Variants in FTCDNL1 observed in about 807,000 individuals in gnomAD.
FTCDNL1 encodes the protein formiminotransferase cyclodeaminase N-terminal like.
In FTCDNL1, 11 loss-of-function variants were observed where a neutral mutation model predicts 5.9. The ratio of observed to expected loss-of-function variants is 1.87; its 90% CI spans 1.18 to 3.10. The LOEUF is 3.10. Among genes scored for constraint, FTCDNL1 ranks in the 30% most tolerant of loss-of-function variants. The probability of loss-of-function intolerance (pLI) is 0.00; values close to 1 mark genes in which losing one functional copy is unlikely to be tolerated. For synonymous variants in FTCDNL1, 58 were observed against 24.8 expected (o/e 2.34, Z -3.99); for missense variants, 115 against 65.5 (o/e 1.76, Z -2.61).
chr2:199,822,604 C>T (rs574389154), intron 3 of FTCDNL1, among the ~76,000 whole-genome samples: 43 of 152,086 alleles, frequency 2.8e-4, no homozygotes, highest in Admixed American at 2.4e-3. Context: ...TTTCCTTTCA[C>T]GAAAATTTCT....
the FTCDNL1 span, among the ~76,000 whole-genome samples, chr2:199,736,454 C>T: frequency 6.6e-6 from 1 of 152,164 alleles, no homozygotes; most frequent in Admixed American, 6.5e-5. Context: ...AATGTGGATG[C>T]TAACCTTGAC....
chr2:199,839,037 C>T (rs2076508540), intron 3 of FTCDNL1, among the ~76,000 whole-genome samples: 2 of 152,030 alleles, frequency 1.3e-5, no homozygotes, highest in South Asian at 4.2e-4. Context: ...AAAGAAATGA[C>T]CCAGCCATGT....
chr2:199,731,394 A>T, the FTCDNL1 span, among the ~76,000 whole-genome samples: 1 of 152,226 alleles, frequency 6.6e-6, no homozygotes, highest in Non-Finnish European at 1.5e-5. Context: ...TACTTCAATG[A>T]CCAACCTAAT....
the FTCDNL1 span, among the ~76,000 whole-genome samples, chr2:199,720,308 A>G: frequency 6.6e-6 from 1 of 152,160 alleles, no homozygotes; most frequent in African/African-American, 2.4e-5. Flanking sequence ...TTGACTCCCT[A>G]CAATAAAAAT....
the FTCDNL1 span, among the ~76,000 whole-genome samples, chr2:199,721,502 C>G: frequency 6.6e-6 from 1 of 152,132 alleles, no homozygotes; most frequent in East Asian, 1.9e-4. Context: ...ATACGTGCCA[C>G]ATTTTCTTCA....
chr2:199,799,411 A>G (rs949478041), intron 3 of FTCDNL1, among the ~76,000 whole-genome samples: 4 of 152,184 alleles, frequency 2.6e-5, no homozygotes, highest in Admixed American at 2.0e-4. Context: ...CTCCCAGCCC[A>G]AAGAGCCGGC....
chr2:199,712,081 T>G, the FTCDNL1 span, among the ~76,000 whole-genome samples: 3 of 152,112 alleles, frequency 2.0e-5, no homozygotes, highest in African/African-American at 7.2e-5. Flanking sequence ...AAGGTAGAGG[T>G]ACTCTGAATG....
chr2:199,725,320 T>A, the FTCDNL1 span, among the ~76,000 whole-genome samples: 2 of 152,130 alleles, frequency 1.3e-5, no homozygotes, highest in Non-Finnish European at 2.9e-5. Flanking sequence ...CACCAATGGG[T>A]CTTGACTCTA....
At chr2:199,674,324 G>T in the FTCDNL1 span, among the ~76,000 whole-genome samples, 7 of 152,266 alleles carry the variant, frequency 4.6e-5, no homozygotes, top group South Asian at 1.4e-3. Flanking sequence ...ACAACCCCAT[G>T]AATGAGCCAT....
intron 3 of FTCDNL1, among the ~76,000 whole-genome samples, chr2:199,761,621 C>T (rs953374824): frequency 1.2e-4 from 18 of 152,140 alleles, no homozygotes; most frequent in Admixed American, 1.1e-3. Context: ...AACCCAGGAG[C>T]CTCATGTCAT....
intron 3 of FTCDNL1, among the ~76,000 whole-genome samples, chr2:199,834,729 T>A (rs111633107): frequency 6.6e-6 from 1 of 152,202 alleles, no homozygotes; most frequent in Non-Finnish European, 1.5e-5. Context: ...GTGTATTATT[T>A]GTCACGCTCT....
the FTCDNL1 span, among the ~76,000 whole-genome samples, chr2:199,740,178 T>C: frequency 6.6e-6 from 1 of 152,258 alleles, no homozygotes; most frequent in Non-Finnish European, 1.5e-5. Flanking sequence ...CGGTTCATTT[T>C]ATGACTGTTA....
chr2:199,725,603 T>C, the FTCDNL1 span, among the ~76,000 whole-genome samples: 38 of 152,212 alleles, frequency 2.5e-4, no homozygotes, highest in Non-Finnish European at 4.4e-4. Context: ...CCCTCAGCAT[T>C]TGCTTGTCTG....
chr2:199,695,104 T>C, the FTCDNL1 span, among the ~76,000 whole-genome samples: 4 of 152,150 alleles, frequency 2.6e-5, no homozygotes, highest in African/African-American at 9.7e-5. Context: ...CCATATTCCA[T>C]TGGCCAAAGC....
At chr2:199,684,443 C>CAATTA in the FTCDNL1 span, among the ~76,000 whole-genome samples, 2 of 152,086 alleles carry the variant, frequency 1.3e-5, no homozygotes, top group African/African-American at 4.8e-5. Context: ...TAATTTACCC[C>CAATTA]CAAGTATGTA....
chr2:199,736,876 G>A, the FTCDNL1 span, among the ~76,000 whole-genome samples: 16 of 152,192 alleles, frequency 1.1e-4, no homozygotes, highest in African/African-American at 3.9e-4. Context: ...AGGGTTGTTT[G>A]ATTGAACTGA....
the FTCDNL1 span, among the ~76,000 whole-genome samples, chr2:199,730,013 A>AGATATATATATATATAT: frequency 1.3e-5 from 2 of 152,158 alleles, no homozygotes; most frequent in Admixed American, 1.3e-4. Flanking sequence ...TATATAGACC[A>AGATATATATATATATAT]ATGGAACAGA....
chr2:199,743,552 G>T, the FTCDNL1 span, among the ~76,000 whole-genome samples: 1 of 135,638 alleles, frequency 7.4e-6, no homozygotes, highest in East Asian at 2.2e-4. Flanking sequence ...TAGATGGAGT[G>T]GTGGAGACTC....
chr2:199,746,477 AGCT>A, the FTCDNL1 span, among the ~76,000 whole-genome samples: 1 of 152,108 alleles, frequency 6.6e-6, no homozygotes, highest in Admixed American at 6.6e-5. Flanking sequence ...CCATGGTGCC[AGCT>A]AGGCAGAGAG....
Sources: gnomAD v4.1 joint callset for allele counts (sites outside exome capture counted in the v4.1 genomes callset) on GRCh38, gnomAD v4.1.1 for gene constraint, MANE v1.5 for transcripts, NCBI Gene and HGNC (gene_info 2026-07-23, HGNC 2026-07-21) for gene names.